HEXIM1: variants seen among roughly 807,000 people sequenced by gnomAD.
HEXIM1 encodes HEXIM P-TEFb complex subunit 1.
HEXIM1 carries 1 observed loss-of-function variant against 30.3 expected under a neutral mutation model. The ratio of observed to expected loss-of-function variants is 0.03; its 90% confidence interval spans 0.01 to 0.16. The LOEUF (loss-of-function observed/expected upper bound fraction) is 0.16, where lower values mean the gene tolerates loss of function less well. Among genes scored for constraint, HEXIM1 ranks in the 10% least tolerant of loss-of-function variants. The probability of loss-of-function intolerance (pLI) is 1.00; values close to 1 mark genes in which losing one functional copy is unlikely to be tolerated. For missense variants in HEXIM1, 391 were observed against 476.4 expected, an observed-to-expected ratio of 0.82 and a Z score of 1.67; for synonymous variants, 245 against 208.3, an observed-to-expected ratio of 1.18 and a Z score of -1.52.
rs906096355 is a variant in HEXIM1, at chr17:45,150,295, G to A, written c.*25G>A. 19 of 1,599,688 alleles carry A rather than the reference G, an allele frequency of 1.2e-5. No homozygotes were observed. The highest frequency in any genetic ancestry group is 1.6e-5 in the Non-Finnish European group (19 of 1,171,298). On this transcript the variant is annotated 3_prime_UTR_variant, in exon 1 of 1. Coordinates refer to ENST00000332499, the MANE Select transcript of HEXIM1 (RefSeq NM_006460.3). ...GACTGAAACTTTTTTGGGGGAGGGG[G>A]CAAAGGGGACTTTTTACAGTGATGG...
rs373817429 is a variant in HEXIM1 at position 45,149,237 on chromosome 17, G to A, written c.47G>A (p.Ser16Asn). The change falls in exon 1 of 1, where the codon AGC (serine) becomes AAC (asparagine). Residue 16 changes from serine to asparagine, a missense_variant. Ser to Asn is a conservative substitution (Grantham distance 46). Coordinates refer to ENST00000332499, the MANE Select transcript of HEXIM1 (RefSeq NM_006460.3). This position sits in a 1 kb window ranked among gnomAD's most constrained non-coding sequence, Gnocchi z 5.3. The part of the protein sequence containing the change: ...LSEYQHQPQT[S>N]NCTGAAAVQE... ...GAATATCAACACCAGCCTCAAACTA[G>A]CAACTGTACAGGTGCTGCTGCTGTC... is the stretch of plus-strand genomic sequence containing the variant. 1.2e-6 allele frequency: 2 copies of A among 1,613,728 alleles called. No homozygotes were observed. The highest frequency in any genetic ancestry group is 1.7e-6 in the Non-Finnish European group (2 of 1,180,018).
In HEXIM1 at chr17:45,148,845, C is replaced by G; in HGVS notation, c.-346C>G. On this transcript the variant is annotated 5_prime_UTR_variant, in exon 1 of 1. Transcript: ENST00000332499. ...TCGGGGCTGGGTTTCACGCACTGGA[C>G]TTACCCTCATCACCTTGCTCACCAA... The G allele has an allele frequency of 2.3e-6, 1 of 426,724 alleles. No individual in the cohort carries two copies. The highest frequency in any genetic ancestry group is 4.1e-6 in the Non-Finnish European group (1 of 241,848). The allele number at this position is 426,724 out of a possible 1,614,324, so 26.4% of individuals were successfully genotyped here.
In HEXIM1 at chr17:45,150,418, C is replaced by A; in HGVS notation, c.*148C>A. Reference sequence around the variant, plus strand: ...CCTGGCTTTGGTTTCGTAAATTTAGCTATATGTAGCTTGCGTGCTTTCTCC... The same window carrying A: ...CCTGGCTTTGGTTTCGTAAATTTAGATATATGTAGCTTGCGTGCTTTCTCC... On this transcript the variant is annotated 3_prime_UTR_variant, in exon 1 of 1. Transcript: ENST00000332499. 2 of 812,224 alleles carry A rather than the reference C, an allele frequency of 2.5e-6. No homozygotes were observed. Among genetic ancestry groups the A allele is most frequent in the Non-Finnish European group, 3.8e-6 (2 of 520,970 alleles). The allele number at this position is 812,224 out of a possible 1,614,324, so 50.3% of individuals were successfully genotyped here.
Position 45,150,137 on chromosome 17 carries a change from G to C in HEXIM1, c.947G>C (p.Gly316Ala). ...CTGCGGCTGGAGAGCAAGCGGCTGG[G>C]TGGCGACGACGCGCGTGTGCGGGAG... is the stretch of plus-strand genomic sequence containing the variant. ...NRLRLESKRL[G>A]GDDARVRELE... Residue 316 changes from glycine (G) to alanine (A), a missense_variant, in exon 1 of 1, where the codon GGT becomes GCT. Physicochemically the swap from Gly to Ala is moderately conservative, Grantham distance 60 (BLOSUM62 0). Around this residue, in one of 5 missense-constraint regions of HEXIM1, gnomAD observed 73 missense variants for 80.9 expected, o/e 0.90. Transcript: ENST00000332499. 2 of 1,613,634 alleles carry C rather than the reference G, an allele frequency of 1.2e-6. No individual in the cohort carries two copies. The highest frequency in any genetic ancestry group is 8.5e-7 in the Non-Finnish European group (1 of 1,180,028).
rs780434627 is a variant in HEXIM1, at chr17:45,148,784, C to T, written c.-407C>T. On this transcript the variant is annotated 5_prime_UTR_variant, in exon 1 of 1. Transcript: ENST00000332499. ...GGATTTAACCCTTTGTGGATCTGGCCCCTCGGAGGCAGCGTCATCGGTAGT... is the reference window on the plus strand; with the variant it reads ...GGATTTAACCCTTTGTGGATCTGGCTCCTCGGAGGCAGCGTCATCGGTAGT... 73 of 402,994 alleles carry T rather than the reference C, an allele frequency of 1.8e-4. No homozygotes were observed. Among genetic ancestry groups the T allele is most frequent in the Non-Finnish European group, 2.6e-4 (60 of 228,384 alleles). The allele number at this position is 402,994 out of a possible 1,614,324, so 25.0% of individuals were successfully genotyped here.
Position 45,150,166 on chromosome 17 carries a change from G to A in HEXIM1, c.976G>A (p.Glu326Lys). 1 of 1,613,348 alleles carries A rather than the reference G, an allele frequency of 6.2e-7. No homozygotes were observed. The stretch of plus-strand genomic sequence containing the variant: ...CGACGACGCGCGTGTGCGGGAGCTG[G>A]AGCTGGAGCTGGACCGGCTGCGCGC... The part of the protein sequence containing the change: ...GGDDARVREL[E>K]LELDRLRAEN... The change falls in exon 1 of 1, where the codon GAG (glutamate) becomes AAG (lysine). Residue 326 changes from glutamate (E) to lysine (K), a missense_variant. Physicochemically the swap from Glu to Lys is moderately conservative, Grantham distance 56 (BLOSUM62 1). Coordinates refer to ENST00000332499, the MANE Select transcript of HEXIM1 (RefSeq NM_006460.3).
Position 45,148,503 on chromosome 17 carries a change from C to A in HEXIM1, c.-688C>A, listed in dbSNP as rs1316562511. The stretch of plus-strand genomic sequence containing the variant: ...AGTTGGAAGTTGGCAGGTGGAGAGG[C>A]AGGTTGGGAGGGAAAGTCGGGGGAG... On this transcript the variant is annotated 5_prime_UTR_variant, in exon 1 of 1. Coordinates refer to ENST00000332499, the MANE Select transcript of HEXIM1 (RefSeq NM_006460.3). 5.1e-6 allele frequency: 2 copies of A among 389,546 alleles called. No homozygotes were observed. Among genetic ancestry groups the A allele is most frequent in the Admixed American group, 4.7e-5 (1 of 21,094 alleles). 24.1% of individuals were successfully genotyped at this position (389,546 alleles called of 1,614,324 possible). A position where few individuals can be genotyped will look rare whatever the true frequency, so the allele number is the denominator to read the frequency against.
Position 45,148,945 on chromosome 17 carries a change from C to T in HEXIM1, c.-246C>T. On this transcript the variant is annotated 5_prime_UTR_variant, in exon 1 of 1. Coordinates refer to ENST00000332499, the MANE Select transcript of HEXIM1 (RefSeq NM_006460.3). ...ATTACGTACTGTTCCTGCCGCTGCA[C>T]CCCCTTGGACCCGCTAGCTGGCCGC... The T allele has an allele frequency of 2.0e-6, 1 of 496,154 alleles. No individual in the cohort carries two copies. Among genetic ancestry groups the T allele is most frequent in the South Asian group, 3.7e-5 (1 of 27,248 alleles). 30.7% of individuals were successfully genotyped at this position (496,154 alleles called of 1,614,324 possible).
Position 45,150,230 on chromosome 17 carries a change from G to A in HEXIM1, c.1040G>A (p.Arg347Gln), listed in dbSNP as rs774964207. Residue 347 changes from arginine to glutamine, a missense_variant, in exon 1 of 1, where the codon CGG (arginine) becomes CAG (glutamine). This residue lies in a region of HEXIM1 where 73 missense variants were observed against 80.9 expected (regional missense o/e 0.90). Transcript: ENST00000332499. ...CTGCTGACCGAGAACGAACTGCACC[G>A]GCAGCAGGAGCGAGCGCCGCTTTCC... ...LQLLTENELHRQQERAPLSKF... is the reference protein window; with the variant it reads ...LQLLTENELHQQQERAPLSKF... 13 of 1,609,558 alleles carry A rather than the reference G, an allele frequency of 8.1e-6. No individual in the cohort carries two copies. In the South Asian group the frequency reaches 1.4e-4, roughly 18 times the overall value.
Position 45,148,927 on chromosome 17 carries a change from ACT to A in HEXIM1, c.-263_-262del. On this transcript the variant is annotated 5_prime_UTR_variant, in exon 1 of 1. Coordinates refer to ENST00000332499, the MANE Select transcript of HEXIM1 (RefSeq NM_006460.3). ...TGAGGCCCACCTCCGCCCATTACGTACTGTTCCTGCCGCTGCACCCCCTTGGA... is the reference window on the plus strand; with the variant it reads ...TGAGGCCCACCTCCGCCCATTACGTAGTTCCTGCCGCTGCACCCCCTTGGA... 1 of 483,004 alleles carries A rather than the reference ACT, an allele frequency of 2.1e-6. No individual in the cohort carries two copies. The highest frequency in any genetic ancestry group is 3.6e-6 in the Non-Finnish European group (1 of 275,684). 29.9% of individuals were successfully genotyped at this position (483,004 alleles called of 1,614,324 possible). A position where few individuals can be genotyped will look rare whatever the true frequency, so the allele number is the denominator to read the frequency against.
At position 45,149,393 on chromosome 17, in the gene HEXIM1, A is replaced by G; in HGVS notation, c.203A>G (p.Glu68Gly). The change falls in exon 1 of 1, where the codon GAA becomes GGA. Residue 68 changes from glutamate to glycine, a missense_variant. Physicochemically the swap from Glu to Gly is moderately conservative, Grantham distance 98. Coordinates refer to ENST00000332499, the MANE Select transcript of HEXIM1 (RefSeq NM_006460.3). This position sits in a 1 kb window ranked among gnomAD's most constrained non-coding sequence, Gnocchi z 5.3. Reference protein sequence around the residue: ...RPGPEGEGSLESQPPPLQTQA... With the variant: ...RPGPEGEGSLGSQPPPLQTQA... Reference sequence around the variant, plus strand: ...GGGCCGGAGGGGGAAGGGAGCCTGGAATCCCAACCACCTCCCTTGCAGACC... The same window carrying G: ...GGGCCGGAGGGGGAAGGGAGCCTGGGATCCCAACCACCTCCCTTGCAGACC... 1 of 1,613,352 alleles carries G rather than the reference A, an allele frequency of 6.2e-7. No individual in the cohort carries two copies. Among genetic ancestry groups the G allele is most frequent in the South Asian group, 1.1e-5 (1 of 91,080 alleles).
Position 45,149,551 on chromosome 17 carries a change from C to T in HEXIM1, c.361C>T (p.Pro121Ser). The change falls in exon 1 of 1, where the codon CCT becomes TCT. Residue 121 changes from proline (P) to serine (S), a missense_variant. This residue lies in a region of HEXIM1 where 230 missense variants were observed against 199.4 expected (regional missense o/e 1.15). Transcript: ENST00000332499. This position sits in a 1 kb window ranked among gnomAD's most constrained non-coding sequence, Gnocchi z 5.3. The part of the protein sequence containing the change: ...PTPEAELLAQ[P>S]CHDSEASKLG... ...GCCCGAGGCCGAGCTGCTCGCCCAGCCTTGTCATGACTCCGAGGCCAGTAA... is the reference window on the plus strand; with the variant it reads ...GCCCGAGGCCGAGCTGCTCGCCCAGTCTTGTCATGACTCCGAGGCCAGTAA... The T allele has an allele frequency of 6.2e-7, 1 of 1,607,394 alleles. No individual in the cohort carries two copies.
rs1567918530 is a variant in HEXIM1, at chr17:45,151,118, T to TC, written c.*854dup. 2 of 166,888 alleles carry TC rather than the reference T, an allele frequency of 1.2e-5. No homozygotes were observed. The highest frequency in any genetic ancestry group is 2.9e-5 in the Non-Finnish European group (2 of 68,092). 10.3% of individuals were successfully genotyped at this position (166,888 alleles called of 1,614,324 possible). The stretch of plus-strand genomic sequence containing the variant: ...AGTTGGTTTTCAGTAATCTCTTCCT[T>TC]CCCCCCAGTAAGGCTGGAAGAGGCT... On this transcript the variant is annotated 3_prime_UTR_variant, in exon 1 of 1. Coordinates refer to ENST00000332499, the MANE Select transcript of HEXIM1 (RefSeq NM_006460.3).
At position 45,149,373 on chromosome 17, in the gene HEXIM1, G is replaced by A. The variant is rs539194359; in HGVS notation, c.183G>A (p.Pro61=). Residue 61 remains proline, a synonymous_variant, in exon 1 of 1, where the codon CCG becomes CCA. Coordinates refer to ENST00000332499, the MANE Select transcript of HEXIM1 (RefSeq NM_006460.3). The surrounding 1 kb of genome is among the most constrained non-coding windows in gnomAD (Gnocchi z 5.3). The part of the protein sequence containing the change: ...AFPQLGGRPG[P]EGEGSLESQP... ...CCCAGTTGGGTGGCCGTCCGGGGCC[G>A]GAGGGGGAAGGGAGCCTGGAATCCC... 2 of 1,613,302 alleles carry A rather than the reference G, an allele frequency of 1.2e-6. No individual in the cohort carries two copies. The highest frequency in any genetic ancestry group is 2.7e-5 in the African/African-American group (2 of 74,928).
rs1392413805 is a variant in HEXIM1, at chr17:45,149,504, C to T, written c.314C>T (p.Pro105Leu). ...DDSSAGGDFP[P>L]PAEVEPTPEA... ...TCGTCCGCTGGCGGCGACTTCCCGC[C>T]GCCGGCAGAAGTGGAACCGACGCCC... The change falls in exon 1 of 1, where the codon CCG becomes CTG. Residue 105 changes from proline to leucine, a missense_variant. Pro to Leu is a moderately conservative substitution (Grantham distance 98, BLOSUM62 -3). Coordinates refer to ENST00000332499, the MANE Select transcript of HEXIM1 (RefSeq NM_006460.3). This position sits in a 1 kb window ranked among gnomAD's most constrained non-coding sequence, Gnocchi z 5.3. The T allele has an allele frequency of 8.7e-6, 14 of 1,609,434 alleles. No individual in the cohort carries two copies. The highest frequency in any genetic ancestry group is 1.1e-5 in the Non-Finnish European group (13 of 1,178,498).
rs532071199 is a variant in HEXIM1, at chr17:45,148,582, G to A, written c.-609G>A. 5.0e-6 allele frequency: 2 copies of A among 399,588 alleles called. No individual in the cohort carries two copies. Among genetic ancestry groups the A allele is most frequent in the East Asian group, 3.6e-5 (1 of 28,098 alleles). The allele number at this position is 399,588 out of a possible 1,614,324, so 24.8% of individuals were successfully genotyped here. On this transcript the variant is annotated 5_prime_UTR_variant, in exon 1 of 1. Coordinates refer to ENST00000332499, the MANE Select transcript of HEXIM1 (RefSeq NM_006460.3). Reference sequence around the variant, plus strand: ...GAGGAGGGAGGGAGGAAAAGAGGAGGAGGCGGAGGAGAACTGAGCAGAGCA... The same window carrying A: ...GAGGAGGGAGGGAGGAAAAGAGGAGAAGGCGGAGGAGAACTGAGCAGAGCA...
At position 45,148,662 on chromosome 17, in the gene HEXIM1, C is replaced by T. The variant is rs995906089; in HGVS notation, c.-529C>T. 10 of 400,424 alleles carry T rather than the reference C, an allele frequency of 2.5e-5. No homozygotes were observed. The highest frequency in any genetic ancestry group is 1.9e-4 in the African/African-American group (9 of 48,586). The allele number at this position is 400,424 out of a possible 1,614,324, so 24.8% of individuals were successfully genotyped here. ...GTCTGTCCTCTGCTGAGGCTACGGC[C>T]GGGCCTAGGGAACTGGGAGCTTGGG... is the stretch of plus-strand genomic sequence containing the variant. On this transcript the variant is annotated 5_prime_UTR_variant, in exon 1 of 1. Transcript: ENST00000332499.
In HEXIM1 at chr17:45,150,432, C is replaced by T; in HGVS notation, c.*162C>T. 2 of 713,836 alleles carry T rather than the reference C, an allele frequency of 2.8e-6. No individual in the cohort carries two copies. The highest frequency in any genetic ancestry group is 2.2e-5 in the South Asian group (1 of 46,232). The allele number at this position is 713,836 out of a possible 1,614,324, so 44.2% of individuals were successfully genotyped here. On this transcript the variant is annotated 3_prime_UTR_variant, in exon 1 of 1. Transcript: ENST00000332499. ...CGTAAATTTAGCTATATGTAGCTTG[C>T]GTGCTTTCTCCTGTTCTTTTAATTA...
rs1270508067 is a variant in HEXIM1 at position 45,149,897 on chromosome 17, C to T, written c.707C>T (p.Thr236Ile). The T allele has an allele frequency of 1.9e-6, 3 of 1,613,758 alleles. No homozygotes were observed. The highest frequency in any genetic ancestry group is 2.5e-6 in the Non-Finnish European group (3 of 1,180,020). Residue 236 changes from threonine to isoleucine, a missense_variant, in exon 1 of 1, where the codon ACC becomes ATC. By Grantham distance (89) the Thr-to-Ile change is moderately conservative (BLOSUM62 -1). Coordinates refer to ENST00000332499, the MANE Select transcript of HEXIM1 (RefSeq NM_006460.3). The surrounding 1 kb of genome is among the most constrained non-coding windows in gnomAD (Gnocchi z 5.3). ...CGGGCCGCCGCCAAATCCGACGACACCAGCGATGACGACTTCATGGAAGAA... is the reference window on the plus strand; with the variant it reads ...CGGGCCGCCGCCAAATCCGACGACATCAGCGATGACGACTTCATGGAAGAA... The part of the protein sequence containing the change: ...SKRAAAKSDD[T>I]SDDDFMEEGG...
Sources: allele counts gnomAD v4.1 joint callset, GRCh38; gene constraint gnomAD v4.1.1; regional missense constraint gnomAD v4.1.1; non-coding constraint Gnocchi (gnomAD v3.1); transcripts MANE v1.5; gene names NCBI Gene and HGNC (gene_info 2026-07-23, HGNC 2026-07-21).